The following RANBP17 variants were observed in gnomAD, a reference collection of about 807,000 sequenced individuals.
The protein encoded by RANBP17 is RAN binding protein 17.
Under a neutral mutation model 141.2 loss-of-function variants are expected in RANBP17, and 158 were observed. That is an observed-to-expected ratio of 1.12 (90% CI 0.98 to 1.28). RANBP17 has a LOEUF of 1.28. Ranked by LOEUF, RANBP17 falls within the 50% of genes most tolerant of loss-of-function variation. The pLI, the probability that RANBP17 is intolerant of heterozygous loss-of-function variation, is 0.00. For missense variants in RANBP17, 1,438 were observed against 1,290.7 expected (o/e 1.11, Z -1.75); for synonymous variants, 430 against 450.0 (o/e 0.96, Z 0.56).
chr5:170,867,807 A>G (rs1329470510), intron 1 of RANBP17, among the ~76,000 whole-genome samples: 1 of 152,196 alleles, frequency 6.6e-6, no homozygotes, highest in Non-Finnish European at 1.5e-5. Context: ...GGGTTTTGCC[A>G]TATGTATACA....
Position 171,258,028 on chromosome 5 carries a change from C to G in RANBP17, c.2777-7653C>G, listed in dbSNP as rs190705635. Among the ~76,000 whole-genome samples, 536 of 151,762 alleles carry G rather than the reference C, an allele frequency of 3.5e-3. 4 individuals carry two copies. Among genetic ancestry groups the G allele is most frequent in the African/African-American group, 0.012 (510 of 41,380 alleles). On this transcript the variant is annotated intron_variant, in intron 24 of 27. Transcript: ENST00000523189. Reference sequence around the variant, plus strand: ...GGCTGAGGCAGGAGAATCGCTTGAACCCAGGAGACAGAGGTTGCAGTGAGC... The same window carrying G: ...GGCTGAGGCAGGAGAATCGCTTGAAGCCAGGAGACAGAGGTTGCAGTGAGC...
At chr5:171,293,555 G>A (rs1304327268) in intron 25 of RANBP17, among the ~76,000 whole-genome samples, 1 of 152,162 alleles carries the variant, frequency 6.6e-6, no homozygotes, top group Non-Finnish European at 1.5e-5. Flanking sequence ...CTTTTGCCTG[G>A]TGCCCTAGCA....
At chr5:170,992,741 G>GA (rs1381570368) in intron 14 of RANBP17, among the ~76,000 whole-genome samples, 1 of 152,048 alleles carries the variant, frequency 6.6e-6, no homozygotes, top group Admixed American at 6.6e-5. Context: ...CAGAGAGGAA[G>GA]AAAGGAGGTA....
At chr5:171,002,779 T>C (rs992717355) in intron 14 of RANBP17, among the ~76,000 whole-genome samples, 3 of 152,010 alleles carry the variant, frequency 2.0e-5, no homozygotes, top group African/African-American at 7.3e-5. Flanking sequence ...AAACCAAGTG[T>C]GATCAGATTG....
chr5:171,269,083 A>G (rs1019432796), intron 25 of RANBP17, among the ~76,000 whole-genome samples: 1 of 152,198 alleles, frequency 6.6e-6, no homozygotes, highest in Non-Finnish European at 1.5e-5. Context: ...TAGCATTTTA[A>G]ATATTAATGA....
intron 14 of RANBP17, among the ~76,000 whole-genome samples, chr5:171,092,843 T>C (rs917079374): frequency 3.3e-5 from 5 of 152,242 alleles, no homozygotes; most frequent in Non-Finnish European, 7.3e-5. Context: ...AGAATTGTTA[T>C]TCACCTTTGA....
chr5:171,157,093 A>G (rs543398175), intron 14 of RANBP17, among the ~76,000 whole-genome samples: 4 of 152,314 alleles, frequency 2.6e-5, no homozygotes, highest in Non-Finnish European at 4.4e-5. Flanking sequence ...CTTGTAAGCT[A>G]ACTGTCTGTC....
intron 8 of RANBP17, among the ~76,000 whole-genome samples, chr5:170,915,018 A>G (rs1395981226): frequency 6.6e-6 from 1 of 152,144 alleles, no homozygotes; most frequent in Non-Finnish European, 1.5e-5. Flanking sequence ...TTAAAAAAAC[A>G]TGTCTTCTCT....
intron 25 of RANBP17, among the ~76,000 whole-genome samples, chr5:171,291,209 C>T (rs570166690): frequency 2.6e-5 from 4 of 152,102 alleles, no homozygotes; most frequent in Non-Finnish European, 5.9e-5. Flanking sequence ...CTAAGTGGAC[C>T]AAGTCATACA....
chr5:171,257,738 T>C (rs1330060828), intron 24 of RANBP17, among the ~76,000 whole-genome samples: 1 of 152,148 alleles, frequency 6.6e-6, no homozygotes, highest in Non-Finnish European at 1.5e-5. Context: ...CAAAAATCAA[T>C]AGTATTTCTA....
intron 14 of RANBP17, among the ~76,000 whole-genome samples, chr5:171,053,231 G>GT (rs1250048436): frequency 2.0e-5 from 3 of 151,908 alleles, no homozygotes; most frequent in East Asian, 1.9e-4. Flanking sequence ...TTAGGTTCAG[G>GT]TAGTACATGT....
intron 14 of RANBP17, among the ~76,000 whole-genome samples, chr5:171,034,118 A>G (rs1183538462): frequency 1.3e-5 from 2 of 152,204 alleles, no homozygotes; most frequent in Non-Finnish European, 2.9e-5. Context: ...CTAAAAAATA[A>G]TAATAAATGA....
chr5:171,142,572 G>A (rs1019705532), intron 14 of RANBP17, among the ~76,000 whole-genome samples: 3 of 152,120 alleles, frequency 2.0e-5, no homozygotes, highest in African/African-American at 7.2e-5. Flanking sequence ...ATTCAAGCAT[G>A]GTCTTCTCAT....
chr5:170,931,575 G>A (rs1038060254), intron 12 of RANBP17, among the ~76,000 whole-genome samples: 36 of 152,186 alleles, frequency 2.4e-4, no homozygotes, highest in African/African-American at 7.0e-4. Flanking sequence ...ATCTTGAATT[G>A]ATTTTTGTAT....
chr5:170,894,486 T>TATATATATATATATATAGA (rs376342999), intron 4 of RANBP17, among the ~76,000 whole-genome samples: 1 of 133,316 alleles, frequency 7.5e-6, no homozygotes, highest in African/African-American at 2.9e-5. Context: ...TACGTGTTTT[T>TATATATATATATATATAGA]TATATATATA....
At position 171,274,152 on chromosome 5, in the gene RANBP17, G is replaced by GCGCA. The variant is rs910497126; in HGVS notation, c.2943+8308_2943+8309insACGC. ...TGTGTGTGTGTGTGTGTGTGTGTGCGCGCGCGCGCGCGTGCGCAAAATCTA... is the reference window on the plus strand; with the variant it reads ...TGTGTGTGTGTGTGTGTGTGTGTGCGCGCACGCGCGCGCGCGTGCGCAAAATCTA... On this transcript the variant is annotated intron_variant, in intron 25 of 27. Transcript: ENST00000523189. 4.2e-5 allele frequency among the ~76,000 whole-genome samples: 4 copies of GCGCA among 96,020 alleles called. No homozygotes were observed. In the East Asian group the frequency reaches 8.1e-4, roughly 19 times the overall value. The allele number at this position is 96,020 out of a possible 152,430, so 63.0% of individuals were successfully genotyped here.
At chr5:170,891,479 T>TATTA (rs1769595443) in intron 3 of RANBP17, among the ~76,000 whole-genome samples, 1 of 152,214 alleles carries the variant, frequency 6.6e-6, no homozygotes, top group African/African-American at 2.4e-5. Flanking sequence ...TTGGCCTGTA[T>TATTA]ATTAGTTGGT....
At chr5:170,909,836 A>G (rs1456615290) in intron 6 of RANBP17, 71 bp downstream of exon 6, 2 of 845,744 alleles carry the variant, frequency 2.4e-6, no homozygotes, top group Admixed American at 2.0e-5. Context: ...AAAGAATTTC[A>G]GTTGAATTTT....
chr5:171,057,368 A>C lies in RANBP17; in HGVS notation c.1710+88991A>C, dbSNP rs116514029. Among the ~76,000 whole-genome samples, 1,131 of 152,258 alleles carry C rather than the reference A, an allele frequency of 7.4e-3. 14 individuals carry two copies. Among genetic ancestry groups the C allele is most frequent in the African/African-American group, 0.026 (1,078 of 41,566 alleles). On this transcript the variant is annotated intron_variant, in intron 14 of 27. Coordinates refer to ENST00000523189, the MANE Select transcript of RANBP17 (RefSeq NM_022897.5). ...TGTTTTCATTTTGTACAATAAAGTT[A>C]GCATATTTTATACATATTTATATAA... is the stretch of plus-strand genomic sequence containing the variant.
Sources: allele counts gnomAD v4.1 joint callset (sites outside exome capture counted in the v4.1 genomes callset), GRCh38; gene constraint gnomAD v4.1.1; transcripts MANE v1.5; gene names NCBI Gene and HGNC (gene_info 2026-07-23, HGNC 2026-07-21).